CHRM2: variants seen among roughly 807,000 people sequenced by gnomAD.
CHRM2 encodes the protein cholinergic receptor muscarinic 2, also known as muscarinic acetylcholine receptor M2.
CHRM2 carries 8 observed loss-of-function variants against 25.0 expected under a neutral mutation model. The observed-to-expected ratio is 0.32, with a 90% CI of 0.19 to 0.58. The LOEUF is 0.58. Ranked by LOEUF, CHRM2 falls within the 20% of genes least tolerant of loss-of-function variation. CHRM2 has a pLI of 0.88. For synonymous variants in CHRM2, 202 were observed against 205.7 expected (o/e 0.98, Z 0.15); for missense variants, 440 against 567.1 (o/e 0.78, Z 2.28).
chr7:136,886,946 T>C (rs573938208), intron 2 of CHRM2, among the ~76,000 whole-genome samples: 21 of 152,268 alleles, frequency 1.4e-4, no homozygotes, highest in East Asian at 5.8e-4. Context: ...GGTGTCTCAG[T>C]TGGGGTTTCA....
At chr7:137,002,048 A>C (rs1804071268) in intron 3 of CHRM2, among the ~76,000 whole-genome samples, 1 of 152,208 alleles carries the variant, frequency 6.6e-6, no homozygotes, top group Non-Finnish European at 1.5e-5. Flanking sequence ...GTCAAGATAA[A>C]TAATTAAGAG....
At chr7:136,909,959 A>G (rs1471890016) in intron 2 of CHRM2, among the ~76,000 whole-genome samples, 1 of 151,824 alleles carries the variant, frequency 6.6e-6, no homozygotes, top group African/African-American at 2.4e-5. Flanking sequence ...TTTTTCCTCC[A>G]TGATAAAACT....
chr7:136,994,612 C>A (rs1250821061), intron 3 of CHRM2, among the ~76,000 whole-genome samples: 1 of 145,974 alleles, frequency 6.9e-6, no homozygotes, highest in Non-Finnish European at 1.5e-5. Context: ...CTCACCGCAA[C>A]CTCCTCCTCG....
intron 2 of CHRM2, among the ~76,000 whole-genome samples, chr7:136,927,185 T>G (rs1479263066): frequency 1.3e-5 from 2 of 152,218 alleles, no homozygotes; most frequent in African/African-American, 4.8e-5. Context: ...GCACTCAATA[T>G]GTATTAGTTG....
intron 2 of CHRM2, chr7:136,899,701 A>G (rs1797095966): frequency 6.6e-6 from 1 of 152,028 alleles, no homozygotes; most frequent in Non-Finnish European, 1.5e-5. Context: ...AATCCTGCAT[A>G]CTCCTTCCTA....
intron 2 of CHRM2, among the ~76,000 whole-genome samples, chr7:136,912,230 T>C (rs1401479131): frequency 2.0e-5 from 3 of 151,962 alleles, no homozygotes; most frequent in Non-Finnish European, 2.9e-5. Context: ...TTCTAAATAT[T>C]GGGTGCTGTC....
chr7:137,015,791 C>T lies in CHRM2; in HGVS notation c.926C>T (p.Ser309Phe). The T allele has an allele frequency of 6.2e-7, 1 of 1,613,188 alleles. No individual in the cohort carries two copies. Among genetic ancestry groups the T allele is most frequent in the Non-Finnish European group, 8.5e-7 (1 of 1,179,502 alleles). Reference sequence around the variant, plus strand: ...ATAACCCAGGATGAAAACACAGTTTCCACTTCCCTGGGCCATTCCAAAGAT... The same window carrying T: ...ATAACCCAGGATGAAAACACAGTTTTCACTTCCCTGGGCCATTCCAAAGAT... Reference protein sequence around the residue: ...DEITQDENTVSTSLGHSKDEN... With the variant: ...DEITQDENTVFTSLGHSKDEN... Residue 309 changes from serine (S) to phenylalanine (F), a missense_variant, in exon 4 of 4, where the codon TCC becomes TTC. Around this residue, in one of 5 missense-constraint regions of CHRM2, gnomAD observed 261 missense variants for 261.8 expected, o/e 1.00. Coordinates refer to ENST00000680005, the MANE Select transcript of CHRM2 (RefSeq NM_001006630.2). This position sits in a 1 kb window ranked among gnomAD's most constrained non-coding sequence, Gnocchi z 5.1.
At chr7:136,977,993 T>A (rs1051510765) in intron 2 of CHRM2, among the ~76,000 whole-genome samples, 10 of 152,092 alleles carry the variant, frequency 6.6e-5, no homozygotes, top group African/African-American at 2.2e-4. Flanking sequence ...ATTTACTGCA[T>A]AGAGAGCCCT....
chr7:136,924,962 T>C (rs560793419), intron 2 of CHRM2, among the ~76,000 whole-genome samples: 3 of 152,344 alleles, frequency 2.0e-5, no homozygotes, highest in Non-Finnish European at 2.9e-5. Context: ...AGTTTTATAA[T>C]CATTTGTTGA....
chr7:136,908,191 T>C (rs1797658669), intron 2 of CHRM2, among the ~76,000 whole-genome samples: 1 of 151,944 alleles, frequency 6.6e-6, no homozygotes, highest in Non-Finnish European at 1.5e-5. Context: ...TGTATGAGAT[T>C]ACAGTTTTAG....
At chr7:137,003,643 A>G (rs1168485629) in intron 3 of CHRM2, among the ~76,000 whole-genome samples, 1 of 151,978 alleles carries the variant, frequency 6.6e-6, no homozygotes, top group African/African-American at 2.4e-5. Context: ...ATCCTACTCT[A>G]ACATGTTATC....
intron 2 of CHRM2, chr7:136,938,243 A>G: frequency 1.3e-6 from 1 of 799,254 alleles, no homozygotes; most frequent in Admixed American, 1.7e-5. Context: ...ATCTTTAGCT[A>G]ATGGCTTCAG....
At chr7:136,988,017 A>G (rs1400096695) in intron 2 of CHRM2, among the ~76,000 whole-genome samples, 1 of 151,392 alleles carries the variant, frequency 6.6e-6, no homozygotes, top group Admixed American at 6.6e-5. Context: ...CAAATATTTC[A>G]TCCCTAAAAA....
intron 2 of CHRM2, among the ~76,000 whole-genome samples, chr7:136,916,999 A>G (rs1216356146): frequency 6.6e-6 from 1 of 151,538 alleles, no homozygotes; most frequent in Non-Finnish European, 1.5e-5. Flanking sequence ...TTTTTCATTG[A>G]CTCCCGCTCT....
At chr7:136,912,838 A>G (rs984475542) in intron 2 of CHRM2, among the ~76,000 whole-genome samples, 1 of 152,008 alleles carries the variant, frequency 6.6e-6, no homozygotes, top group African/African-American at 2.4e-5. Flanking sequence ...GCATTAATGT[A>G]TCTAAGCCTT....
intron 2 of CHRM2, among the ~76,000 whole-genome samples, chr7:136,976,548 C>T (rs1802116218): frequency 6.6e-6 from 1 of 152,080 alleles, no homozygotes; most frequent in African/African-American, 2.4e-5. Flanking sequence ...GAGCAGGCTT[C>T]TGAACTGGGC....
intron 2 of CHRM2, among the ~76,000 whole-genome samples, chr7:136,878,498 G>A (rs1220325910): frequency 1.3e-5 from 2 of 151,790 alleles, no homozygotes; most frequent in Non-Finnish European, 2.9e-5. Flanking sequence ...TTTAAAATAA[G>A]CCTGACTGGA....
At chr7:136,943,562 G>A (rs80079024) in intron 2 of CHRM2, among the ~76,000 whole-genome samples, 3,498 of 152,138 alleles carry the variant, frequency 0.023, 117 homozygotes, top group African/African-American at 0.08. Flanking sequence ...TGCTTGTAAC[G>A]GTCGCCAAGC....
intron 2 of CHRM2, among the ~76,000 whole-genome samples, chr7:136,956,574 C>G (rs1296016639): frequency 6.6e-6 from 1 of 152,066 alleles, no homozygotes; most frequent in African/African-American, 2.4e-5. Context: ...GACAGGAAGC[C>G]TCTACCCACA....
Sources: gnomAD v4.1 joint callset for allele counts (sites outside exome capture counted in the v4.1 genomes callset) on GRCh38, gnomAD v4.1.1 for gene constraint, gnomAD v4.1.1 regional missense constraint, Gnocchi (gnomAD v3.1) non-coding constraint, MANE v1.5 for transcripts, NCBI Gene and HGNC (gene_info 2026-07-23, HGNC 2026-07-21) for gene names.